PLA2G4A: variants seen among roughly 807,000 people sequenced by gnomAD.
The protein encoded by PLA2G4A is cytosolic phospholipase A2.
PLA2G4A carries 40 observed loss-of-function variants against 81.9 expected under a neutral mutation model. The ratio of observed to expected loss-of-function variants is 0.49; its 90% CI spans 0.38 to 0.64. PLA2G4A has a LOEUF of 0.64. Ranked by LOEUF, PLA2G4A falls within the 30% of genes least tolerant of loss-of-function variation. The probability of loss-of-function intolerance (pLI) is 0.00; values close to 1 mark genes in which losing one functional copy is unlikely to be tolerated. For synonymous variants in PLA2G4A, 302 were observed against 296.9 expected (o/e 1.02, Z -0.18); for missense variants, 715 against 905.1 (o/e 0.79, Z 2.69).
chr1:186,939,372 C>A, intron 9 of PLA2G4A, 142 bp downstream of exon 9: 1 of 433,854 alleles, frequency 2.3e-6, no homozygotes, highest in Non-Finnish European at 4.0e-6. Flanking sequence ...GCGTACTGAG[C>A]CCATTCTCCC....
chr1:186,872,710 GA>G (rs34117619), intron 3 of PLA2G4A, among the ~76,000 whole-genome samples: 1 of 151,886 alleles, frequency 6.6e-6, no homozygotes, highest in Admixed American at 6.6e-5. Context: ...TTAGAATAGG[GA>G]AAAAAGTAAT....
At chr1:186,891,931 T>A (rs1222724314) in intron 3 of PLA2G4A, among the ~76,000 whole-genome samples, 2 of 152,148 alleles carry the variant, frequency 1.3e-5, no homozygotes, top group East Asian at 3.9e-4. Context: ...ATACAAGAGA[T>A]CCCTTTTCTC....
intron 3 of PLA2G4A, among the ~76,000 whole-genome samples, chr1:186,885,743 A>G (rs558339321): frequency 6.6e-6 from 1 of 152,298 alleles, no homozygotes; most frequent in African/African-American, 2.4e-5. Flanking sequence ...GAAAATTTTA[A>G]ACTGAAAAAC....
intron 7 of PLA2G4A, among the ~76,000 whole-genome samples, chr1:186,932,317 A>G (rs1172781094): frequency 7.3e-6 from 1 of 136,504 alleles, no homozygotes; most frequent in East Asian, 2.1e-4. Context: ...TCTTTTTGAG[A>G]TGGAGTCTTG....
intron 3 of PLA2G4A, among the ~76,000 whole-genome samples, chr1:186,887,314 T>A (rs1304051096): frequency 6.6e-6 from 1 of 151,992 alleles, no homozygotes; most frequent in Admixed American, 6.6e-5. Flanking sequence ...GAGCTAGGAG[T>A]TTAGAAGCTG....
chr1:186,891,864 G>A (rs925891622), intron 3 of PLA2G4A, among the ~76,000 whole-genome samples: 1 of 151,980 alleles, frequency 6.6e-6, no homozygotes, highest in Non-Finnish European at 1.5e-5. Flanking sequence ...AGGTTTTTGA[G>A]GAACCTCCAA....
At chr1:186,967,529 C>A (rs1657173822) in intron 15 of PLA2G4A, among the ~76,000 whole-genome samples, 1 of 144,946 alleles carries the variant, frequency 6.9e-6, no homozygotes, top group Admixed American at 7.0e-5. Context: ...TCTCCCATAA[C>A]ATTTTGGTTT....
chr1:186,893,088 A>C lies in PLA2G4A; in HGVS notation c.193A>C (p.Asn65His). Residue 65 changes from asparagine to histidine, a missense_variant, in exon 4 of 18, where the codon AAT becomes CAT. By Grantham distance (68) the Asn-to-His change is moderately conservative (BLOSUM62 1). Coordinates refer to ENST00000367466, the MANE Select transcript of PLA2G4A (RefSeq NM_024420.3). The part of the protein sequence containing the change: ...DSRKRTRHFN[N>H]DINPVWNETF... ...CAGGAAGAGAACAAGACATTTCAATAATGACATAAACCCTGTGTGGAATGA... is the reference window on the plus strand; with the variant it reads ...CAGGAAGAGAACAAGACATTTCAATCATGACATAAACCCTGTGTGGAATGA... The C allele has an allele frequency of 6.2e-7, 1 of 1,610,256 alleles. No individual in the cohort carries two copies. The highest frequency in any genetic ancestry group is 2.2e-5 in the East Asian group (1 of 44,822).
At chr1:186,896,161 T>A (rs1461097532) in intron 5 of PLA2G4A, among the ~76,000 whole-genome samples, 2 of 152,148 alleles carry the variant, frequency 1.3e-5, no homozygotes, top group Non-Finnish European at 2.9e-5. Flanking sequence ...TTAAAATAAG[T>A]GATTAAATAT....
At chr1:186,909,682 G>GTTAA (rs1654873863) in intron 6 of PLA2G4A, among the ~76,000 whole-genome samples, 1 of 115,498 alleles carries the variant, frequency 8.7e-6, no homozygotes, top group Non-Finnish European at 1.9e-5. Context: ...AAAAAAAAAA[G>GTTAA]TTAACTCACT....
At chr1:186,910,698 T>C (rs1654907947) in intron 6 of PLA2G4A, among the ~76,000 whole-genome samples, 1 of 152,228 alleles carries the variant, frequency 6.6e-6, no homozygotes, top group South Asian at 2.1e-4. Context: ...CCTCTAGTGG[T>C]AAACTCATTT....
chr1:186,910,527 C>G (rs1210670419), intron 6 of PLA2G4A, among the ~76,000 whole-genome samples: 1 of 152,008 alleles, frequency 6.6e-6, no homozygotes, highest in African/African-American at 2.4e-5. Flanking sequence ...TATAAAGCTG[C>G]AATATATAAT....
chr1:186,943,309 C>T (rs980746285), intron 10 of PLA2G4A, among the ~76,000 whole-genome samples: 2 of 152,184 alleles, frequency 1.3e-5, no homozygotes, highest in Non-Finnish European at 2.9e-5. Context: ...CACTACATCA[C>T]ATTGCTGAAA....
intron 1 of PLA2G4A, among the ~76,000 whole-genome samples, chr1:186,837,441 A>G (rs1651818148): frequency 6.6e-6 from 1 of 151,942 alleles, no homozygotes; most frequent in Admixed American, 6.6e-5. Flanking sequence ...GTTGAAAGTA[A>G]AATTTGGGCC....
intron 10 of PLA2G4A, among the ~76,000 whole-genome samples, chr1:186,941,590 G>A (rs551557354): frequency 7.9e-5 from 12 of 152,254 alleles, no homozygotes; most frequent in East Asian, 7.7e-4. Context: ...TGCTTAGAAC[G>A]TAATTAGCAG....
chr1:186,886,244 G>A (rs998058004), intron 3 of PLA2G4A, among the ~76,000 whole-genome samples: 2 of 152,074 alleles, frequency 1.3e-5, no homozygotes, highest in African/African-American at 4.8e-5. Context: ...TAGATTAATG[G>A]ACTAATAGAC....
chr1:186,858,688 A>G (rs925482967), intron 2 of PLA2G4A, among the ~76,000 whole-genome samples: 2 of 152,266 alleles, frequency 1.3e-5, no homozygotes, highest in Non-Finnish European at 1.5e-5. Context: ...TATTTAGGCT[A>G]TAGTAATTAC....
intron 7 of PLA2G4A, among the ~76,000 whole-genome samples, chr1:186,916,003 C>A (rs1655123121): frequency 6.6e-6 from 1 of 152,104 alleles, no homozygotes; most frequent in Non-Finnish European, 1.5e-5. Context: ...CCATTGATAT[C>A]CTGTTACGGT....
At chr1:186,986,800 G>T (rs2891264) in intron 17 of PLA2G4A, among the ~76,000 whole-genome samples, 7 of 152,082 alleles carry the variant, frequency 4.6e-5, no homozygotes, top group Non-Finnish European at 1.5e-5. Flanking sequence ...GACACTAATT[G>T]CCCTCCATCT....
Sources: allele counts gnomAD v4.1 joint callset (sites outside exome capture counted in the v4.1 genomes callset), GRCh38; gene constraint gnomAD v4.1.1; transcripts MANE v1.5; gene names NCBI Gene and HGNC (gene_info 2026-07-23, HGNC 2026-07-21).